The following GATB variants were observed in gnomAD, a reference collection of about 807,000 sequenced individuals.
The protein encoded by GATB is glutamyl-tRNA(Gln) amidotransferase subunit B, mitochondrial.
A neutral mutation model predicts 62.3 loss-of-function variants in GATB; 39 were observed. The observed-to-expected ratio is 0.63, with a 90% CI of 0.48 to 0.82. GATB has a LOEUF of 0.82. Among genes scored for constraint, GATB ranks in the 40% least tolerant of loss-of-function variants. The pLI is 0.00. For synonymous variants in GATB, 276 were observed against 258.9 expected (o/e 1.07, Z -0.63); for missense variants, 670 against 684.0 (o/e 0.98, Z 0.23).
chr4:151,695,930 A>ATTTT (rs57028979), intron 9 of GATB, among the ~76,000 whole-genome samples: 42 of 122,842 alleles, frequency 3.4e-4, no homozygotes, highest in Non-Finnish European at 5.3e-4. Flanking sequence ...GCTAATTTAA[A>ATTTT]TTTTTTTTTT....
chr4:151,746,515 A>C (rs1277379171), intron 2 of GATB, among the ~76,000 whole-genome samples: 1 of 152,218 alleles, frequency 6.6e-6, no homozygotes, highest in Non-Finnish European at 1.5e-5. Context: ...AAGACTTGGC[A>C]CCACAGTAAA....
At chr4:151,699,350 C>T (rs1054365396) in intron 9 of GATB, among the ~76,000 whole-genome samples, 12 of 148,794 alleles carry the variant, frequency 8.1e-5, no homozygotes, top group African/African-American at 3.0e-4. Flanking sequence ...GATCGTGCCA[C>T]TGCACTCCAG....
At chr4:151,736,532 T>C (rs1487905694) in intron 2 of GATB, among the ~76,000 whole-genome samples, 2 of 152,218 alleles carry the variant, frequency 1.3e-5, no homozygotes, top group African/African-American at 4.8e-5. Flanking sequence ...ACTCATACTG[T>C]TGTGAATACA....
intron 11 of GATB, chr4:151,676,572 C>T (rs1258688969): frequency 6.6e-6 from 1 of 152,246 alleles, no homozygotes; most frequent in African/African-American, 2.4e-5. Context: ...TTAGCTGTAA[C>T]TCTGACAGTT....
At chr4:151,731,262 G>A (rs371217633) in intron 2 of GATB, among the ~76,000 whole-genome samples, 8 of 152,296 alleles carry the variant, frequency 5.3e-5, no homozygotes, top group South Asian at 2.1e-4. Context: ...TTGCGGGCGC[G>A]CGCCGCCACG....
intron 2 of GATB, among the ~76,000 whole-genome samples, chr4:151,740,953 G>C (rs945176480): frequency 6.6e-6 from 1 of 151,838 alleles, no homozygotes; most frequent in African/African-American, 2.4e-5. Flanking sequence ...ATCACCAAAA[G>C]ACTCCTAAGC....
At chr4:151,705,392 T>G (rs1263007160) in intron 6 of GATB, 123 bp from the exon 7 acceptor site, 1 of 645,912 alleles carries the variant, frequency 1.5e-6, no homozygotes, top group Non-Finnish European at 2.7e-6. Flanking sequence ...GAAGATTGTT[T>G]ATAATAATCC....
At chr4:151,693,668 C>G (rs60918529) in intron 9 of GATB, among the ~76,000 whole-genome samples, 2,260 of 152,186 alleles carry the variant, frequency 0.015, 50 homozygotes, top group African/African-American at 0.047. Flanking sequence ...GTTTTGGTGC[C>G]CACAATTTTT....
chr4:151,686,569 G>GC (rs1218804449), intron 10 of GATB, among the ~76,000 whole-genome samples: 10 of 149,972 alleles, frequency 6.7e-5, no homozygotes, highest in Admixed American at 6.0e-4. Flanking sequence ...TCTTTCTGAT[G>GC]CCCCAAAGTG....
intron 2 of GATB, among the ~76,000 whole-genome samples, chr4:151,750,773 A>G (rs564773087): frequency 1.9e-4 from 28 of 150,248 alleles, no homozygotes; most frequent in South Asian, 4.2e-4. Flanking sequence ...GACTACAGGC[A>G]TACACCACCA....
intron 2 of GATB, among the ~76,000 whole-genome samples, chr4:151,736,919 C>T (rs1739387462): frequency 6.6e-6 from 1 of 152,200 alleles, no homozygotes; most frequent in African/African-American, 2.4e-5. Context: ...ATTGTGAGGC[C>T]TCCCCAGCCA....
intron 1 of GATB, 101 bp downstream of exon 1, chr4:151,760,706 C>A: frequency 8.8e-7 from 1 of 1,141,980 alleles, no homozygotes; most frequent in Non-Finnish European, 1.2e-6. Context: ...GCCCTCCCGT[C>A]AGCCAAAACG....
At chr4:151,680,011 G>A in intron 10 of GATB, 120 bp from the exon 11 acceptor site, 1 of 777,732 alleles carries the variant, frequency 1.3e-6, no homozygotes, top group Non-Finnish European at 2.2e-6. Flanking sequence ...CACGCCTAGG[G>A]ATGAAAACAG....
chr4:151,694,108 T>C (rs1048398629), intron 9 of GATB, among the ~76,000 whole-genome samples: 1 of 152,202 alleles, frequency 6.6e-6, no homozygotes, highest in African/African-American at 2.4e-5. Flanking sequence ...GGAAGGAACC[T>C]GAGTTGCTCA....
At chr4:151,736,359 T>A (rs1401801899) in intron 2 of GATB, among the ~76,000 whole-genome samples, 1 of 152,236 alleles carries the variant, frequency 6.6e-6, no homozygotes, top group Non-Finnish European at 1.5e-5. Context: ...AATTATATAT[T>A]TTCTAGCTGA....
intron 2 of GATB, chr4:151,721,886 C>A: frequency 2.7e-6 from 1 of 372,096 alleles, no homozygotes; most frequent in Non-Finnish European, 4.8e-6. Context: ...TGCACACAAG[C>A]GCACGGGCAC....
At chr4:151,700,513 C>G (rs1195272235) in intron 9 of GATB, among the ~76,000 whole-genome samples, 2 of 152,112 alleles carry the variant, frequency 1.3e-5, no homozygotes, top group Admixed American at 1.3e-4. Flanking sequence ...TATACTCCAG[C>G]ATCCCAATGT....
chr4:151,743,751 T>C (rs1313799812), intron 2 of GATB, among the ~76,000 whole-genome samples: 1 of 152,232 alleles, frequency 6.6e-6, no homozygotes, highest in Non-Finnish European at 1.5e-5. Flanking sequence ...TCCTATTCTA[T>C]TGTCACATGG....
intron 2 of GATB, among the ~76,000 whole-genome samples, chr4:151,732,782 AC>A: frequency 6.6e-6 from 1 of 151,718 alleles, no homozygotes; most frequent in African/African-American, 2.4e-5. Flanking sequence ...ATCTGTGAAT[AC>A]TATCATTATA....
Sources: allele counts gnomAD v4.1 joint callset (sites outside exome capture counted in the v4.1 genomes callset), GRCh38; gene constraint gnomAD v4.1.1; transcripts MANE v1.5; gene names NCBI Gene and HGNC (gene_info 2026-07-23, HGNC 2026-07-21).